Variants in ZNF423 observed in about 807,000 individuals in gnomAD.
The protein encoded by ZNF423 is Ebf-associated zinc finger protein.
A neutral mutation model predicts 95.8 loss-of-function variants in ZNF423; 12 were observed. The observed-to-expected ratio is 0.13, with a 90% CI of 0.08 to 0.20. The LOEUF (loss-of-function observed/expected upper bound fraction) is 0.20, where lower values mean the gene tolerates loss of function less well. Among genes scored for constraint, ZNF423 ranks in the 10% least tolerant of loss-of-function variants. The probability of loss-of-function intolerance (pLI) is 1.00; values close to 1 mark genes in which losing one functional copy is unlikely to be tolerated. For synonymous variants in ZNF423, 749 were observed against 711.9 expected (o/e 1.05, Z -0.83); for missense variants, 1,316 against 1,737.1 (o/e 0.76, Z 4.31).
At position 49,783,060 on chromosome 16, in the gene ZNF423, C is replaced by T. The variant is rs76687992; in HGVS notation, c.100+6427G>A. On this transcript the variant is annotated intron_variant, in intron 2 of 7. Transcript: ENST00000563137. The stretch of plus-strand genomic sequence containing the variant: ...AATTTCCACATGGTCGTGTTGGTTC[C>T]CTGAAACCCCACATCATAGACCTCA... Among the ~76,000 whole-genome samples, 421 of 152,192 alleles carry T rather than the reference C, an allele frequency of 2.8e-3. 3 individuals are homozygous for T. The highest frequency in any genetic ancestry group is 9.7e-3 in the African/African-American group (404 of 41,528).
At chr16:49,764,942 A>G (rs1355186037) in intron 2 of ZNF423, among the ~76,000 whole-genome samples, 1 of 142,546 alleles carries the variant, frequency 7.0e-6, no homozygotes, top group Non-Finnish European at 1.5e-5. Flanking sequence ...TATTTTTAGT[A>G]GAGACGCGGT....
intron 1 of ZNF423, among the ~76,000 whole-genome samples, chr16:49,817,820 C>T (rs948287894): frequency 6.6e-6 from 1 of 152,058 alleles, no homozygotes; most frequent in Non-Finnish European, 1.5e-5. Flanking sequence ...GAGTGTGTCG[C>T]AAGGTGTGGT....
At chr16:49,499,218 T>C (rs1662989041) in intron 7 of ZNF423, among the ~76,000 whole-genome samples, 1 of 152,232 alleles carries the variant, frequency 6.6e-6, no homozygotes, top group African/African-American at 2.4e-5. Context: ...AGATGTCCTA[T>C]GGCAGAGGGA....
intron 6 of ZNF423, among the ~76,000 whole-genome samples, 186 bp from the exon 7 acceptor site, chr16:49,523,925 G>A (rs1968503998): frequency 6.6e-6 from 1 of 152,180 alleles, no homozygotes; most frequent in Non-Finnish European, 1.5e-5. Flanking sequence ...CTGAGCTCCG[G>A]TACTTAGTGG....
At chr16:49,557,203 C>T (rs1316561573) in intron 5 of ZNF423, among the ~76,000 whole-genome samples, 5 of 152,266 alleles carry the variant, frequency 3.3e-5, no homozygotes, top group South Asian at 2.1e-4. Flanking sequence ...AACTGCACGC[C>T]GCCATCGGAG....
At chr16:49,807,114 T>C (rs2034676714) in intron 1 of ZNF423, among the ~76,000 whole-genome samples, 1 of 151,558 alleles carries the variant, frequency 6.6e-6, no homozygotes, top group African/African-American at 2.4e-5. Flanking sequence ...CCACACACAT[T>C]ATCTTCCTTC....
At chr16:49,624,243 A>G (rs1434434100) in intron 5 of ZNF423, among the ~76,000 whole-genome samples, 1 of 152,154 alleles carries the variant, frequency 6.6e-6, no homozygotes, top group Non-Finnish European at 1.5e-5. Context: ...TCACATACAT[A>G]TGTTCATCAG....
In ZNF423 at chr16:49,525,568, A is replaced by G. The variant is rs1597050635; in HGVS notation, c.3602-74T>C. On this transcript the variant is annotated intron_variant, in intron 5 of 7. Coordinates refer to ENST00000563137, the MANE Select transcript of ZNF423 (RefSeq NM_001379286.1). Reference sequence around the variant, plus strand: ...CAGACAGGTGCTCACAAGGCCTCCCATAGACCCCAGCACTAACCCCCCTCC... The same window carrying G: ...CAGACAGGTGCTCACAAGGCCTCCCGTAGACCCCAGCACTAACCCCCCTCC... 23 of 1,591,970 alleles carry G rather than the reference A, an allele frequency of 1.4e-5. No individual in the cohort carries two copies. In the East Asian group the frequency reaches 4.9e-4, roughly 34 times the overall value.
intron 7 of ZNF423, among the ~76,000 whole-genome samples, chr16:49,508,563 C>T (rs79736967): frequency 0.02 from 3,028 of 148,184 alleles, 94 homozygotes; most frequent in African/African-American, 0.07. Flanking sequence ...AGAGAACCCT[C>T]TAAAAGTTCC....
Position 49,800,977 on chromosome 16 carries a change from C to G in ZNF423, c.41-11431G>C, listed in dbSNP as rs570861910. On this transcript the variant is annotated intron_variant, in intron 1 of 7. Transcript: ENST00000563137. ...AGGAAAAGAAAAGGAAACTGAATAT[C>G]ACAAAGCCACCTGATGTGGCAATGT... is the stretch of plus-strand genomic sequence containing the variant. 3.3e-5 allele frequency among the ~76,000 whole-genome samples: 5 copies of G among 152,364 alleles called. No individual in the cohort carries two copies. The South Asian group carries it at 1.0e-3, about 32-fold the overall frequency.
intron 1 of ZNF423, among the ~76,000 whole-genome samples, chr16:49,844,861 C>A (rs2035226524): frequency 6.6e-6 from 1 of 151,812 alleles, no homozygotes; most frequent in South Asian, 2.1e-4. Flanking sequence ...AATGGAGAAA[C>A]TCTGTCTCTA....
upstream of ZNF423, among the ~76,000 whole-genome samples, chr16:49,858,214 C>T (rs1597069708): frequency 6.7e-6 from 1 of 150,266 alleles, no homozygotes; most frequent in African/African-American, 2.4e-5. The surrounding 1 kb of genome is among the most constrained non-coding windows in gnomAD (Gnocchi z 4.3). Flanking sequence ...CGCTGCCCGC[C>T]GAGAACAGCG....
At chr16:49,841,824 G>A (rs1484564910) in intron 1 of ZNF423, among the ~76,000 whole-genome samples, 1 of 152,218 alleles carries the variant, frequency 6.6e-6, no homozygotes, top group East Asian at 1.9e-4. Flanking sequence ...AGATGCTCAG[G>A]ATTTACATGG....
intron 5 of ZNF423, among the ~76,000 whole-genome samples, chr16:49,617,219 T>C (rs1033525253): frequency 6.6e-6 from 1 of 152,134 alleles, no homozygotes; most frequent in African/African-American, 2.4e-5. Context: ...GGAAGAGGCC[T>C]TCCACTTTCT....
intron 3 of ZNF423, among the ~76,000 whole-genome samples, chr16:49,724,155 T>G (rs1228642831): frequency 1.3e-5 from 2 of 152,242 alleles, no homozygotes; most frequent in Admixed American, 6.5e-5. Context: ...AGGTCTCTTC[T>G]GTGTTCCCTG....
intron 7 of ZNF423, among the ~76,000 whole-genome samples, chr16:49,511,258 C>G (rs748332082): frequency 1.3e-5 from 2 of 152,232 alleles, no homozygotes; most frequent in Non-Finnish European, 2.9e-5. Context: ...GCCCCGGGAG[C>G]TGCATGCAGC....
At chr16:49,571,264 C>A (rs1970346652) in intron 5 of ZNF423, among the ~76,000 whole-genome samples, 1 of 151,960 alleles carries the variant, frequency 6.6e-6, no homozygotes, top group African/African-American at 2.4e-5. Flanking sequence ...GTTTACTGTG[C>A]ATAAAGCCTC....
chr16:49,806,837 GA>G, intron 1 of ZNF423, among the ~76,000 whole-genome samples: 1 of 151,946 alleles, frequency 6.6e-6, no homozygotes, highest in Non-Finnish European at 1.5e-5. Flanking sequence ...GACCAGCCTG[GA>G]CAACATGGTG....
In ZNF423 at chr16:49,572,564, T is replaced by A. The variant is rs550000678; in HGVS notation, c.3602-47070A>T. Among the ~76,000 whole-genome samples the A allele has an allele frequency of 6.6e-4, 101 of 152,306 alleles. 2 individuals are homozygous for A. Among genetic ancestry groups the A allele is most frequent in the Admixed American group, 4.7e-3 (72 of 15,296 alleles). On this transcript the variant is annotated intron_variant, in intron 5 of 7. Coordinates refer to ENST00000563137, the MANE Select transcript of ZNF423 (RefSeq NM_001379286.1). ...AAGATAGCTGAGCAAAACAGTGGGC[T>A]TCTTTCTACAGGCACTGAGGAGCCC...
Sources: gnomAD v4.1 joint callset for allele counts (sites outside exome capture counted in the v4.1 genomes callset) on GRCh38, gnomAD v4.1.1 for gene constraint, Gnocchi (gnomAD v3.1) non-coding constraint, MANE v1.5 for transcripts, NCBI Gene and HGNC (gene_info 2026-07-23, HGNC 2026-07-21) for gene names.